Variants in TRIP12 observed in about 807,000 individuals in gnomAD.
TRIP12 encodes thyroid hormone receptor interactor 12.
Under a neutral mutation model 244.2 loss-of-function variants are expected in TRIP12, and 25 were observed. The observed-to-expected ratio is 0.10, with a 90% CI of 0.07 to 0.14. TRIP12 has a LOEUF of 0.14. Among genes scored for constraint, TRIP12 ranks in the 10% least tolerant of loss-of-function variants. The pLI, the probability that TRIP12 is intolerant of heterozygous loss-of-function variation, is 1.00. For synonymous variants in TRIP12, 905 were observed against 873.1 expected (o/e 1.04, Z -0.64); for missense variants, 1,677 against 2,486.4 (o/e 0.67, Z 6.92).
At chr2:229,775,319 G>A (rs543761962) in intron 37 of TRIP12, among the ~76,000 whole-genome samples, 2 of 150,532 alleles carry the variant, frequency 1.3e-5, no homozygotes, top group African/African-American at 4.9e-5. Context: ...CATTTTAGGT[G>A]TCATTTGAAG....
At chr2:229,828,738 G>A (rs1003790414) in intron 8 of TRIP12, among the ~76,000 whole-genome samples, 3 of 152,162 alleles carry the variant, frequency 2.0e-5, no homozygotes, top group Admixed American at 6.5e-5. Context: ...CTGCACTCCC[G>A]CCTGGACGAC....
At chr2:229,876,645 C>T (rs573344720) in intron 2 of TRIP12, among the ~76,000 whole-genome samples, 2 of 152,290 alleles carry the variant, frequency 1.3e-5, no homozygotes, top group East Asian at 3.9e-4. Context: ...CCATTTATGT[C>T]CCACTACTTT....
At chr2:229,920,537 A>C (rs955120802) in intron 1 of TRIP12, among the ~76,000 whole-genome samples, 1 of 152,112 alleles carries the variant, frequency 6.6e-6, no homozygotes, top group Non-Finnish European at 1.5e-5. Context: ...GAAGCAATTA[A>C]ACTATGCCCA....
chr2:229,875,680 T>C (rs1194502326), intron 2 of TRIP12, among the ~76,000 whole-genome samples: 1 of 152,252 alleles, frequency 6.6e-6, no homozygotes, highest in African/African-American at 2.4e-5. Flanking sequence ...GAATGTGTAA[T>C]AATTTTTTAA....
At chr2:229,843,191 T>A (rs1386535145) in intron 4 of TRIP12, among the ~76,000 whole-genome samples, 1 of 150,736 alleles carries the variant, frequency 6.6e-6, no homozygotes, top group Non-Finnish European at 1.5e-5. Context: ...TCAACCAGAA[T>A]GTCACTGGTT....
At chr2:229,870,516 A>C (rs936511302) in intron 2 of TRIP12, among the ~76,000 whole-genome samples, 2 of 152,252 alleles carry the variant, frequency 1.3e-5, no homozygotes, top group African/African-American at 2.4e-5. Context: ...AAGATTTCTA[A>C]GACTGGAAAA....
At chr2:229,787,431 A>T in intron 33 of TRIP12, 74 bp downstream of exon 33, 1 of 1,495,394 alleles carries the variant, frequency 6.7e-7, no homozygotes, top group Non-Finnish European at 9.0e-7. Context: ...GCATATTTAG[A>T]TATACTACAT....
intron 20 of TRIP12, 134 bp downstream of exon 20, chr2:229,803,437 A>G (rs2154270274): frequency 1.7e-6 from 1 of 591,776 alleles, no homozygotes; most frequent in Non-Finnish European, 2.8e-6. Context: ...CTACGTACAC[A>G]GAGCTATAAG....
At chr2:229,774,666 T>C (rs1253902913) in intron 37 of TRIP12, among the ~76,000 whole-genome samples, 4 of 152,128 alleles carry the variant, frequency 2.6e-5, no homozygotes, top group Admixed American at 6.5e-5. Flanking sequence ...AATAATACAG[T>C]TGGGAAATCG....
rs1282447927 is a variant in TRIP12 at position 229,802,416 on chromosome 2, C to T, written c.3042G>A (p.Leu1014=). Residue 1014 remains leucine (L), a synonymous_variant, in exon 21 of 42, where the codon TTG becomes TTA. Coordinates refer to ENST00000675903, the MANE Select transcript of TRIP12 (RefSeq NM_001348323.3). ...QVKHLAESES[L]LTSPPKACTN... is the part of the protein sequence containing the mutation. Reference sequence around the variant, plus strand: ...TACATGCCTTTGGTGGACTTGTCAACAAAGACTCTGATTCTGCTAAGTGTT... The same window carrying T: ...TACATGCCTTTGGTGGACTTGTCAATAAAGACTCTGATTCTGCTAAGTGTT... 3.1e-6 allele frequency: 5 copies of T among 1,613,968 alleles called. No individual in the cohort carries two copies. The East Asian group carries it at 1.1e-4, about 36-fold the overall frequency.
chr2:229,912,339 A>C (rs2074441822), intron 1 of TRIP12, among the ~76,000 whole-genome samples: 1 of 152,210 alleles, frequency 6.6e-6, no homozygotes, highest in South Asian at 2.1e-4. Flanking sequence ...GTTCATTCAT[A>C]AATATTTTTG....
At chr2:229,880,545 C>T (rs1245453937) in intron 1 of TRIP12, among the ~76,000 whole-genome samples, 3 of 152,214 alleles carry the variant, frequency 2.0e-5, no homozygotes, top group Non-Finnish European at 2.9e-5. Flanking sequence ...TGCCTTTGTA[C>T]AAATCACAGC....
chr2:229,865,316 T>C (rs1286089403), intron 2 of TRIP12, among the ~76,000 whole-genome samples: 1 of 26,724 alleles, frequency 3.7e-5, no homozygotes, highest in Non-Finnish European at 6.8e-5. Flanking sequence ...CTCTCTCAAC[T>C]ACAAAAAAAA....
intron 33 of TRIP12, 117 bp downstream of exon 33, chr2:229,787,388 G>C: frequency 2.9e-6 from 3 of 1,040,800 alleles, no homozygotes; most frequent in South Asian, 2.0e-5. Flanking sequence ...AATAGGGCTA[G>C]CTGAATATGA....
chr2:229,843,796 C>T (rs1405510684), intron 4 of TRIP12, among the ~76,000 whole-genome samples: 2 of 151,974 alleles, frequency 1.3e-5, no homozygotes, highest in African/African-American at 4.8e-5. Context: ...GAAGCTGACG[C>T]GGGAGGATCC....
At chr2:229,779,036 G>GT (rs751917842) in intron 34 of TRIP12, 46 bp from the exon 35 acceptor site, 13 of 1,510,580 alleles carry the variant, frequency 8.6e-6, no homozygotes, top group South Asian at 1.1e-5. Flanking sequence ...TAAGAATTGT[G>GT]TTTTTTTACT....
At chr2:229,907,303 T>A (rs566555331) in intron 1 of TRIP12, among the ~76,000 whole-genome samples, 6 of 152,234 alleles carry the variant, frequency 3.9e-5, no homozygotes. Context: ...CTGAAAAGTA[T>A]GTATTTTCTA....
At chr2:229,804,328 G>T in intron 18 of TRIP12, 101 bp from the exon 19 acceptor site, 1 of 1,059,578 alleles carries the variant, frequency 9.4e-7, no homozygotes, top group Non-Finnish European at 1.4e-6. Flanking sequence ...TTCTTGAAAT[G>T]CTATGAAAAC....
At position 229,765,539 on chromosome 2, in the gene TRIP12, A is replaced by C. The variant is rs907396436; in HGVS notation, c.*2015T>G. Reference sequence around the variant, plus strand: ...CAAAATCATCATATATACTTATTAGATGCTGGAATCAATGAGGCCAAATTT... The same window carrying C: ...CAAAATCATCATATATACTTATTAGCTGCTGGAATCAATGAGGCCAAATTT... On this transcript the variant is annotated 3_prime_UTR_variant, in exon 42 of 42. Coordinates refer to ENST00000675903, the MANE Select transcript of TRIP12 (RefSeq NM_001348323.3). 1 of 152,244 alleles carries C rather than the reference A, an allele frequency of 6.6e-6. No individual in the cohort carries two copies. The allele number at this position is 152,244 out of a possible 1,614,324, so 9.4% of individuals were successfully genotyped here.
Sources: allele counts gnomAD v4.1 joint callset (sites outside exome capture counted in the v4.1 genomes callset), GRCh38; gene constraint gnomAD v4.1.1; transcripts MANE v1.5; gene names NCBI Gene and HGNC (gene_info 2026-07-23, HGNC 2026-07-21).